Variants in OPCML observed in about 807,000 individuals in gnomAD.
OPCML encodes the protein opioid binding protein/cell adhesion molecule like.
A neutral mutation model predicts 37.8 loss-of-function variants in OPCML; 13 were observed. That is an observed-to-expected ratio of 0.34 (90% CI 0.22 to 0.55). The LOEUF (loss-of-function observed/expected upper bound fraction) is 0.55. OPCML is among the 20% of genes least tolerant of loss of function. The probability of loss-of-function intolerance (pLI) is 0.91; values close to 1 mark genes in which losing one functional copy is unlikely to be tolerated. For synonymous variants in OPCML, 176 were observed against 168.8 expected, an observed-to-expected ratio of 1.04 and a Z score of -0.33; for missense variants, 341 against 435.6, an observed-to-expected ratio of 0.78 and a Z score of 1.93.
At chr11:132,728,911 C>A (rs2136002792) in intron 2 of OPCML, among the ~76,000 whole-genome samples, 1 of 152,210 alleles carries the variant, frequency 6.6e-6, no homozygotes, top group East Asian at 1.9e-4. Context: ...CTCTTTCTAC[C>A]ACCCCAATGC....
intron 1 of OPCML, among the ~76,000 whole-genome samples, chr11:133,062,097 G>A (rs1379068085): frequency 6.6e-6 from 1 of 152,158 alleles, no homozygotes; most frequent in Non-Finnish European, 1.5e-5. Context: ...TCATTCCAAG[G>A]GTATATGTTG....
rs796332463 is a variant in OPCML at position 132,512,157 on chromosome 11, C to T, written c.505+16904G>A. On this transcript the variant is annotated intron_variant, in intron 4 of 7. Transcript: ENST00000524381. ...TCCTCAAAGAAAAACAACTCAAAAC[C>T]AAATATGTTTTAGCCTACACAGTTA... Among the ~76,000 whole-genome samples the T allele has an allele frequency of 3.3e-5, 5 of 151,924 alleles. No individual in the cohort carries two copies. In the South Asian group the frequency reaches 1.0e-3, roughly 32 times the overall value.
At chr11:133,347,606 G>T (rs188358876) in intron 1 of OPCML, among the ~76,000 whole-genome samples, 88 of 152,222 alleles carry the variant, frequency 5.8e-4, no homozygotes, top group Admixed American at 4.7e-3. Flanking sequence ...CTGAAATTAA[G>T]ACTAAAGATG....
chr11:132,615,028 A>G (rs1287184314), intron 3 of OPCML, among the ~76,000 whole-genome samples: 1 of 152,228 alleles, frequency 6.6e-6, no homozygotes, highest in African/African-American at 2.4e-5. Context: ...ATGCACATGT[A>G]TTTTATTCTA....
intron 2 of OPCML, among the ~76,000 whole-genome samples, chr11:132,929,854 C>T (rs1171533288): frequency 6.6e-6 from 1 of 151,958 alleles, no homozygotes; most frequent in African/African-American, 2.4e-5. Context: ...AATGTAACAC[C>T]CTTTAATAAT....
chr11:133,159,878 C>T (rs1196834156), intron 1 of OPCML, among the ~76,000 whole-genome samples: 2 of 152,204 alleles, frequency 1.3e-5, no homozygotes, highest in Non-Finnish European at 2.9e-5. Context: ...CTCTGAGGAA[C>T]ATTTGTTACC....
chr11:132,480,457 C>T (rs1250038673), intron 4 of OPCML, among the ~76,000 whole-genome samples: 1 of 152,168 alleles, frequency 6.6e-6, no homozygotes, highest in African/African-American at 2.4e-5. Flanking sequence ...AGGATATTCT[C>T]CAGGAGAACT....
Position 132,915,231 on chromosome 11 carries a change from A to G in OPCML, c.146+27695T>C, listed in dbSNP as rs566644275. On this transcript the variant is annotated intron_variant, in intron 2 of 7. Coordinates refer to ENST00000524381, the MANE Select transcript of OPCML (RefSeq NM_001012393.5). ...TATCTCCCCATTTTCAACATTATAT[A>G]TGTGAACGTGTATACACATCTATCT... is the stretch of plus-strand genomic sequence containing the variant. 2.0e-5 allele frequency among the ~76,000 whole-genome samples: 3 copies of G among 152,248 alleles called. No homozygotes were observed. In the South Asian group the frequency reaches 6.2e-4, roughly 32 times the overall value.
In OPCML at chr11:133,119,879, C is replaced by T. The variant is rs894486578; in HGVS notation, c.62-176869G>A. 3.9e-5 allele frequency among the ~76,000 whole-genome samples: 6 copies of T among 152,054 alleles called. No individual in the cohort carries two copies. In the East Asian group the frequency reaches 9.7e-4, roughly 25 times the overall value. Reference sequence around the variant, plus strand: ...TGGAGCAGGTAGCGGGAAAGGTGAGCGGGAAAGGGCAGGTAGGGCTGCAGG... The same window carrying T: ...TGGAGCAGGTAGCGGGAAAGGTGAGTGGGAAAGGGCAGGTAGGGCTGCAGG... On this transcript the variant is annotated intron_variant, in intron 1 of 7. Transcript: ENST00000524381.
At position 133,048,319 on chromosome 11, in the gene OPCML, G is replaced by A. The variant is rs79135046; in HGVS notation, c.62-105309C>T. On this transcript the variant is annotated intron_variant, in intron 1 of 7. Coordinates refer to ENST00000524381, the MANE Select transcript of OPCML (RefSeq NM_001012393.5). ...ATTAACTCAATCGACAAATAGTAAC[G>A]TTGAGTTTCAAATACAAGCAGACGG... 6.4e-4 allele frequency among the ~76,000 whole-genome samples: 97 copies of A among 152,120 alleles called. No homozygotes were observed. The East Asian group carries it at 6.8e-3, about 11-fold the overall frequency.
intron 4 of OPCML, among the ~76,000 whole-genome samples, chr11:132,470,340 A>G (rs1049162934): frequency 6.6e-6 from 1 of 152,152 alleles, no homozygotes; most frequent in Non-Finnish European, 1.5e-5. Context: ...TTCAAAATGA[A>G]GGAAGGTGAA....
intron 1 of OPCML, among the ~76,000 whole-genome samples, chr11:133,133,608 G>T (rs932512876): frequency 1.3e-5 from 2 of 152,026 alleles, no homozygotes; most frequent in African/African-American, 4.8e-5. Flanking sequence ...AAGTGTAGTA[G>T]CTCCCCTCTC....
intron 1 of OPCML, among the ~76,000 whole-genome samples, chr11:133,381,177 G>A (rs1345378983): frequency 6.6e-6 from 1 of 152,202 alleles, no homozygotes; most frequent in Non-Finnish European, 1.5e-5. Flanking sequence ...CCCTTAGTTG[G>A]ATAAGGAGGT....
intron 1 of OPCML, among the ~76,000 whole-genome samples, chr11:133,040,856 G>A (rs746562738): frequency 5.9e-5 from 9 of 152,118 alleles, no homozygotes; most frequent in African/African-American, 9.7e-5. Context: ...TCAAACACTC[G>A]GAGAAGTGGT....
intron 4 of OPCML, among the ~76,000 whole-genome samples, chr11:132,515,746 G>C (rs1324669748): frequency 6.6e-6 from 1 of 152,118 alleles, no homozygotes; most frequent in Non-Finnish European, 1.5e-5. Context: ...CCTTTAAACT[G>C]GGGAGGAATG....
chr11:132,546,298 C>T (rs1172557366), intron 3 of OPCML, among the ~76,000 whole-genome samples: 3 of 151,948 alleles, frequency 2.0e-5, no homozygotes, highest in East Asian at 3.9e-4. Flanking sequence ...TTTTAATTTC[C>T]ATAGGTTTTG....
chr11:132,812,355 A>G (rs1939395393), intron 2 of OPCML, among the ~76,000 whole-genome samples: 1 of 152,154 alleles, frequency 6.6e-6, no homozygotes, highest in Non-Finnish European at 1.5e-5. Context: ...GAATGATATA[A>G]TCTTTTGCGA....
At chr11:133,231,710 A>G (rs1171170953) in intron 1 of OPCML, among the ~76,000 whole-genome samples, 1 of 152,092 alleles carries the variant, frequency 6.6e-6, no homozygotes, top group East Asian at 1.9e-4. Context: ...AGTATGCATA[A>G]CCTCCTGAGA....
At chr11:133,328,234 T>C (rs1943527137) in intron 1 of OPCML, among the ~76,000 whole-genome samples, 1 of 151,168 alleles carries the variant, frequency 6.6e-6, no homozygotes, top group African/African-American at 2.4e-5. Flanking sequence ...CTCGGCTCAC[T>C]GCAACCTCCG....
Sources: gnomAD v4.1 joint callset for allele counts (sites outside exome capture counted in the v4.1 genomes callset) on GRCh38, gnomAD v4.1.1 for gene constraint, MANE v1.5 for transcripts, NCBI Gene and HGNC (gene_info 2026-07-23, HGNC 2026-07-21) for gene names.